Variants in BLOC1S3 observed in about 807,000 individuals in gnomAD.
BLOC1S3 encodes biogenesis of lysosome-related organelles complex 1 subunit 3.
A neutral mutation model predicts 9.1 loss-of-function variants in BLOC1S3; 7 were observed. That is an observed-to-expected ratio of 0.77 (90% CI 0.44 to 1.45). BLOC1S3 has a LOEUF of 1.45. BLOC1S3 is among the 40% of genes most tolerant of loss of function. BLOC1S3 has a pLI of 0.01. For synonymous variants in BLOC1S3, 145 were observed against 158.4 expected (o/e 0.92, Z 0.64); for missense variants, 307 against 315.2 (o/e 0.97, Z 0.20).
At chr19:45,192,707 C>A (rs979507796) in intron 2 of BLOC1S3, among the ~76,000 whole-genome samples, 1 of 152,124 alleles carries the variant, frequency 6.6e-6, no homozygotes, top group African/African-American at 2.4e-5. Flanking sequence ...TTCTAGAAAT[C>A]GCCTTGAAGC....
downstream of BLOC1S3, among the ~76,000 whole-genome samples, chr19:45,184,930 A>C (rs866616561): frequency 3.9e-3 from 560 of 144,182 alleles, 4 homozygotes; most frequent in Middle Eastern, 0.018. Flanking sequence ...AAAAAAAAAA[A>C]AGGAAGGAAG....
chr19:45,193,204 T>C (rs1286346389), intron 2 of BLOC1S3, among the ~76,000 whole-genome samples: 2 of 150,248 alleles, frequency 1.3e-5, no homozygotes, highest in African/African-American at 2.4e-5. Flanking sequence ...TTCAGTGATA[T>C]GAAGTTAAAA....
At chr19:45,204,964 C>T (rs1969716281) in intron 3 of BLOC1S3, among the ~76,000 whole-genome samples, 1 of 152,026 alleles carries the variant, frequency 6.6e-6, no homozygotes, top group African/African-American at 2.4e-5. Context: ...AAACTCCTGA[C>T]CTCGCGTAAT....
intron 3 of BLOC1S3, chr19:45,216,229 C>T: frequency 6.2e-7 from 1 of 1,607,826 alleles, no homozygotes. Flanking sequence ...TCACACCCTC[C>T]CAAGATTGAC....
At chr19:45,183,132 G>A (rs1252100249), downstream of BLOC1S3, among the ~76,000 whole-genome samples, 6 of 152,034 alleles carry the variant, frequency 3.9e-5, no homozygotes, top group Admixed American at 3.3e-4. Flanking sequence ...TTGTGGGGCA[G>A]GGGGGTGCTG....
intron 3 of BLOC1S3, chr19:45,213,391 T>A: frequency 2.5e-6 from 4 of 1,607,494 alleles, no homozygotes; most frequent in Non-Finnish European, 3.4e-6. Flanking sequence ...TGCATGCAGA[T>A]CCCCAGCTCT....
downstream of BLOC1S3, among the ~76,000 whole-genome samples, chr19:45,183,553 C>G (rs897065653): frequency 2.6e-5 from 4 of 151,404 alleles, no homozygotes; most frequent in Non-Finnish European, 5.9e-5. Flanking sequence ...CCTTCCACAC[C>G]TAGGGCGAGT....
intron 2 of BLOC1S3, among the ~76,000 whole-genome samples, chr19:45,193,504 T>A (rs1293301963): frequency 6.6e-6 from 1 of 152,142 alleles, no homozygotes; most frequent in Non-Finnish European, 1.5e-5. Flanking sequence ...AATTCCAATG[T>A]CTGTGCTTCC....
At chr19:45,186,670 A>G (rs1969567831), downstream of BLOC1S3, among the ~76,000 whole-genome samples, 2 of 152,162 alleles carry the variant, frequency 1.3e-5, no homozygotes, top group African/African-American at 4.8e-5. Flanking sequence ...ATGCAACTGC[A>G]CTCCGGCCTG....
At chr19:45,202,888 T>C (rs1481344767) in intron 3 of BLOC1S3, among the ~76,000 whole-genome samples, 1 of 152,078 alleles carries the variant, frequency 6.6e-6, no homozygotes, top group East Asian at 1.9e-4. Context: ...GACTGGGTCC[T>C]TCCTTTCAAG....
At chr19:45,212,952 G>T (rs929258112) in intron 3 of BLOC1S3, 11 of 1,192,218 alleles carry the variant, frequency 9.2e-6, no homozygotes, top group Non-Finnish European at 1.2e-5. Context: ...GACATCTAAG[G>T]GTCTTTCTAT....
chr19:45,181,832 C>T (rs1446220477), downstream of BLOC1S3: 1 of 166,782 alleles, frequency 6.0e-6, no homozygotes, highest in Non-Finnish European at 1.5e-5. Context: ...GTTTCCCTAT[C>T]TAAGCTAAGG....
At chr19:45,207,155 CAG>C (rs1350807120) in intron 3 of BLOC1S3, among the ~76,000 whole-genome samples, 21 of 144,540 alleles carry the variant, frequency 1.5e-4, no homozygotes, top group Non-Finnish European at 1.4e-4. Flanking sequence ...TTTTTTGAGA[CAG>C]AGTCTCACTC....
chr19:45,189,910 T>G (rs1386889823), intron 2 of BLOC1S3, among the ~76,000 whole-genome samples: 1 of 152,168 alleles, frequency 6.6e-6, no homozygotes. Context: ...TTTGTCCTTT[T>G]GAGGCTATTT....
chr19:45,201,803 G>A (rs1263104025), intron 2 of BLOC1S3, among the ~76,000 whole-genome samples: 1 of 152,144 alleles, frequency 6.6e-6, no homozygotes, highest in African/African-American at 2.4e-5. Context: ...GGAGATAAGT[G>A]AGTCATGGGG....
chr19:45,188,838 C>CT (rs1969584902), intron 2 of BLOC1S3, among the ~76,000 whole-genome samples: 1 of 151,810 alleles, frequency 6.6e-6, no homozygotes, highest in African/African-American at 2.4e-5. Flanking sequence ...TCCCAAGGTG[C>CT]TGGGATTACA....
chr19:45,188,418 C>T (rs1969581479), intron 2 of BLOC1S3, among the ~76,000 whole-genome samples: 1 of 152,214 alleles, frequency 6.6e-6, no homozygotes, highest in African/African-American at 2.4e-5. Flanking sequence ...CAAGCAGTCC[C>T]CCATCTCAGC....
chr19:45,184,391 A>G (rs1969550035), downstream of BLOC1S3, among the ~76,000 whole-genome samples: 1 of 152,124 alleles, frequency 6.6e-6, no homozygotes, highest in African/African-American at 2.4e-5. Context: ...GCACTGATTG[A>G]GCCCAGGAGT....
chr19:45,205,400 T>C (rs564287870), intron 3 of BLOC1S3, among the ~76,000 whole-genome samples: 1 of 152,076 alleles, frequency 6.6e-6, no homozygotes, highest in African/African-American at 2.4e-5. Context: ...CACCTGACCT[T>C]GTGATCTACC....
Sources: allele counts gnomAD v4.1 joint callset (sites outside exome capture counted in the v4.1 genomes callset), GRCh38; gene constraint gnomAD v4.1.1; transcripts MANE v1.5; gene names NCBI Gene and HGNC (gene_info 2026-07-23, HGNC 2026-07-21).